The following DRC1 variants were observed in gnomAD, a reference collection of about 807,000 sequenced individuals.
The protein encoded by DRC1 is dynein regulatory complex subunit 1.
Under a neutral mutation model 98.7 loss-of-function variants are expected in DRC1, and 74 were observed. That is an observed-to-expected ratio of 0.75 (90% CI 0.62 to 0.91). The LOEUF is 0.91. DRC1 is among the 40% of genes least tolerant of loss of function. The pLI, the probability that DRC1 is intolerant of heterozygous loss-of-function variation, is 0.00. For synonymous variants in DRC1, 336 were observed against 334.1 expected, an observed-to-expected ratio of 1.01 and a Z score of -0.06; for missense variants, 875 against 886.0, an observed-to-expected ratio of 0.99 and a Z score of 0.16.
chr2:26,444,663 C>T (rs1200632043), intron 9 of DRC1, 53 bp from the exon 10 acceptor site: 1 of 1,535,572 alleles, frequency 6.5e-7, no homozygotes, highest in Non-Finnish European at 9.0e-7. Flanking sequence ...TTTGAGGGGA[C>T]CCTGGCCAGG....
At position 26,440,536 on chromosome 2, in the gene DRC1, C is replaced by T. The variant is rs758946544; in HGVS notation, c.1028+19C>T. 1.2e-5 allele frequency: 19 copies of T among 1,602,528 alleles called. No individual in the cohort carries two copies. Among genetic ancestry groups the T allele is most frequent in the African/African-American group, 6.7e-5 (5 of 74,582 alleles). On this transcript the variant is annotated intron_variant, in intron 8 of 16. Transcript: ENST00000288710. ...TCAATCGGTAAGCTAGCATGCAGAG[C>T]GTCTTTCTTCTGGGCCTTCTGTGCT...
At chr2:26,440,541 T>C (rs1663693252) in intron 8 of DRC1, 24 bp downstream of exon 8, 4 of 1,603,394 alleles carry the variant, frequency 2.5e-6, no homozygotes, top group Non-Finnish European at 3.4e-6. Context: ...CAGAGCGTCT[T>C]TCTTCTGGGC....
At chr2:26,423,890 GC>G (rs986881726) in intron 3 of DRC1, among the ~76,000 whole-genome samples, 26 of 152,196 alleles carry the variant, frequency 1.7e-4, no homozygotes, top group African/African-American at 6.3e-4. Flanking sequence ...TCAGTTAGGA[GC>G]CAAGTCAGGA....
Position 26,429,663 on chromosome 2 carries a change from T to G in DRC1, c.576T>G (p.Asp192Glu), listed in dbSNP as rs958816137. 1.2e-6 allele frequency: 2 copies of G among 1,613,932 alleles called. No individual in the cohort carries two copies. Among genetic ancestry groups the G allele is most frequent in the Admixed American group, 1.7e-5 (1 of 59,990 alleles). Residue 192 changes from aspartate (D) to glutamate (E), a missense_variant, in exon 5 of 17, where the codon GAT (aspartate) becomes GAG (glutamate). By Grantham distance (45) the Asp-to-Glu change is conservative. Transcript: ENST00000288710. ...CAAAGGATGACCAGTATGTGAAGGATTTGAAGAAACAGTCAGATGACATCT... is the reference window on the plus strand; with the variant it reads ...CAAAGGATGACCAGTATGTGAAGGAGTTGAAGAAACAGTCAGATGACATCT... ...LKTKDDQYVK[D>E]LKKQSDDICL...
chr2:26,429,511 T>G, intron 4 of DRC1, 117 bp from the exon 5 acceptor site: 11 of 1,373,800 alleles, frequency 8.0e-6, no homozygotes, highest in Non-Finnish European at 1.1e-5. Context: ...CAGCCCTCTT[T>G]GTACAGTTTC....
chr2:26,445,881 A>G (rs920389030), intron 10 of DRC1, among the ~76,000 whole-genome samples: 11 of 151,922 alleles, frequency 7.2e-5, no homozygotes, highest in South Asian at 4.1e-4. Context: ...GATGGTCTCC[A>G]TCTCCTGAGC....
intron 7 of DRC1, among the ~76,000 whole-genome samples, chr2:26,434,698 T>C (rs1663525424): frequency 6.6e-6 from 1 of 152,102 alleles, no homozygotes; most frequent in Non-Finnish European, 1.5e-5. Context: ...GAGATCATCC[T>C]GGCTAACATG....
At chr2:26,437,485 G>A (rs998472162) in intron 7 of DRC1, among the ~76,000 whole-genome samples, 26 of 152,364 alleles carry the variant, frequency 1.7e-4, no homozygotes, top group East Asian at 5.8e-4. Context: ...TGCCCGGCAC[G>A]ATGCTCAGTG....
At chr2:26,433,836 G>T (rs1663499368) in intron 7 of DRC1, among the ~76,000 whole-genome samples, 1 of 152,084 alleles carries the variant, frequency 6.6e-6, no homozygotes, top group African/African-American at 2.4e-5. Context: ...ATTTCAGGCA[G>T]AAAGGGGTCA....
intron 10 of DRC1, 49 bp from the exon 11 acceptor site, chr2:26,448,642 G>T (rs756096867): frequency 9.4e-6 from 15 of 1,593,170 alleles, no homozygotes; most frequent in Non-Finnish European, 1.3e-5. Flanking sequence ...ACTAGCTCCA[G>T]AAATTATCTT....
chr2:26,451,111 C>T (rs899418638), intron 13 of DRC1, among the ~76,000 whole-genome samples: 5 of 152,170 alleles, frequency 3.3e-5, no homozygotes, highest in South Asian at 2.1e-4. Context: ...GGAGAAATAG[C>T]GGGGCTTTTA....
In DRC1 at chr2:26,456,573, G is replaced by A. The variant is rs113414377; in HGVS notation, c.*56G>A. 71 of 1,605,678 alleles carry A rather than the reference G, an allele frequency of 4.4e-5. No individual in the cohort carries two copies. The highest frequency in any genetic ancestry group is 1.7e-4 in the Middle Eastern group (1 of 6,004). Reference sequence around the variant, plus strand: ...CTGGCCTGATGCTGGTGTCTGTGCCGGAGCCAGCTCATATCACCCACTGGG... The same window carrying A: ...CTGGCCTGATGCTGGTGTCTGTGCCAGAGCCAGCTCATATCACCCACTGGG... On this transcript the variant is annotated 3_prime_UTR_variant, in exon 17 of 17. Transcript: ENST00000288710.
intron 12 of DRC1, 112 bp downstream of exon 12, chr2:26,450,197 C>T (rs1663967132): frequency 2.1e-6 from 2 of 954,214 alleles, no homozygotes; most frequent in East Asian, 2.6e-5. Context: ...CCGGGGCTTC[C>T]CCTGCTCCCT....
intron 7 of DRC1, 99 bp from the exon 8 acceptor site, chr2:26,440,279 T>C: frequency 1.5e-6 from 2 of 1,321,654 alleles, no homozygotes; most frequent in Non-Finnish European, 1.9e-6. Flanking sequence ...AATACTCTAG[T>C]GTATATAATA....
At chr2:26,402,888 C>G (rs1175981207) in intron 1 of DRC1, among the ~76,000 whole-genome samples, 2 of 152,156 alleles carry the variant, frequency 1.3e-5, no homozygotes, top group Non-Finnish European at 2.9e-5. Context: ...ATGCAGGGGC[C>G]GGCAAACCCT....
rs116045413 is a variant in DRC1 at position 26,435,368 on chromosome 2, C to T, written c.888+3362C>T. 1.7e-3 allele frequency among the ~76,000 whole-genome samples: 262 copies of T among 152,288 alleles called. 2 individuals are homozygous for T. The highest frequency in any genetic ancestry group is 6.2e-3 in the African/African-American group (258 of 41,548). On this transcript the variant is annotated intron_variant, in intron 7 of 16. Transcript: ENST00000288710. ...ATGAACTGCAACTTTGCAAAAATATCTTTGGATAATTGAATAATAAGCACA... is the reference window on the plus strand; with the variant it reads ...ATGAACTGCAACTTTGCAAAAATATTTTTGGATAATTGAATAATAAGCACA...
Position 26,404,472 on chromosome 2 carries a change from T to C in DRC1, c.155+2328T>C, listed in dbSNP as rs57715105. On this transcript the variant is annotated intron_variant, in intron 1 of 16. Transcript: ENST00000288710. ...GTGAAGCTTACCACACTTGCATAGA[T>C]GCTGTGTTCAGGAGTGCTACCTGTG... Among the ~76,000 whole-genome samples, 746 of 152,356 alleles carry C rather than the reference T, an allele frequency of 4.9e-3. 9 individuals carry two copies. The highest frequency in any genetic ancestry group is 0.017 in the African/African-American group (699 of 41,584).
intron 1 of DRC1, among the ~76,000 whole-genome samples, chr2:26,404,617 G>T (rs547063218): frequency 6.6e-6 from 1 of 152,298 alleles, no homozygotes; most frequent in South Asian, 2.1e-4. Flanking sequence ...ACTTCAGGGT[G>T]GCACTAATCC....
Position 26,454,932 on chromosome 2 carries a change from C to A in DRC1, c.2063+142C>A. Reference sequence around the variant, plus strand: ...CTTGGCATCTCCTGTGTGGGTGGATCATGTGGGGCAGTTGGCTCTTGGGCC... The same window carrying A: ...CTTGGCATCTCCTGTGTGGGTGGATAATGTGGGGCAGTTGGCTCTTGGGCC... On this transcript the variant is annotated intron_variant, in intron 15 of 16. Transcript: ENST00000288710. The surrounding 1 kb of genome is among the most constrained non-coding windows in gnomAD (Gnocchi z 5.2). 2 of 1,452,626 alleles carry A rather than the reference C, an allele frequency of 1.4e-6. No homozygotes were observed. The highest frequency in any genetic ancestry group is 1.9e-6 in the Non-Finnish European group (2 of 1,058,064). 90.0% of individuals were successfully genotyped at this position (1,452,626 alleles called of 1,614,324 possible). A position where few individuals can be genotyped will look rare whatever the true frequency, so the allele number is the denominator to read the frequency against.
Sources: gnomAD v4.1 joint callset for allele counts (sites outside exome capture counted in the v4.1 genomes callset) on GRCh38, gnomAD v4.1.1 for gene constraint, Gnocchi (gnomAD v3.1) non-coding constraint, MANE v1.5 for transcripts, NCBI Gene and HGNC (gene_info 2026-07-23, HGNC 2026-07-21) for gene names.